LRCH2: variants seen among roughly 807,000 people sequenced by gnomAD.
LRCH2 encodes the protein leucine-rich repeat and calponin homology domain-containing protein 2.
LRCH2 carries 38 observed loss-of-function variants against 68.9 expected under a neutral mutation model. The observed-to-expected ratio is 0.55, with a 90% CI of 0.43 to 0.72. The LOEUF is 0.72. Among genes scored for constraint, LRCH2 ranks in the 30% least tolerant of loss-of-function variants. The pLI is 0.00. For synonymous variants in LRCH2, 191 were observed against 208.1 expected (o/e 0.92, Z 0.71); for missense variants, 528 against 572.9 (o/e 0.92, Z 0.80).
chrX:115,195,858 CTG>C (rs1215729279), intron 1 of LRCH2, among the ~76,000 whole-genome samples: 4 of 111,784 alleles, frequency 3.6e-5, no homozygotes, highest in African/African-American at 9.8e-5. Flanking sequence ...ATCCAAGAGA[CTG>C]TGAGAAGGAA....
At chrX:115,137,912 G>C (rs138775038) in intron 14 of LRCH2, among the ~76,000 whole-genome samples, 1,173 of 110,479 alleles carry the variant, frequency 0.011, 19 homozygotes, top group African/African-American at 0.037. Flanking sequence ...TCACGCCATT[G>C]CACCCCAGCC....
chrX:115,176,796 G>A (rs2147401542), intron 5 of LRCH2, among the ~76,000 whole-genome samples: 1 of 103,655 alleles, frequency 9.6e-6, no homozygotes, highest in South Asian at 4.6e-4. Context: ...GCCCAAGCTG[G>A]AGTGCAGTGG....
chrX:115,217,826 C>T (rs1247507535), intron 1 of LRCH2, among the ~76,000 whole-genome samples: 3 of 111,885 alleles, frequency 2.7e-5, no homozygotes, highest in Non-Finnish European at 5.6e-5. Context: ...AATGGTTGAA[C>T]TAATTTACAC....
intron 1 of LRCH2, among the ~76,000 whole-genome samples, chrX:115,193,638 A>G (rs1188065724): frequency 1.8e-5 from 2 of 111,984 alleles, no homozygotes; most frequent in African/African-American, 6.5e-5. Context: ...TTAGGACATT[A>G]TAGCAGTGGG....
At chrX:115,189,759 G>A in intron 1 of LRCH2, 1 of 1,167,286 alleles carries the variant, frequency 8.6e-7, no homozygotes, top group Non-Finnish European at 1.1e-6. Flanking sequence ...GTCGCTCAAG[G>A]TTCTCACACA....
intron 1 of LRCH2, chrX:115,189,547 A>G (rs781962785): frequency 8.5e-7 from 1 of 1,178,323 alleles, no homozygotes; most frequent in Non-Finnish European, 1.1e-6. Flanking sequence ...CCACATCATC[A>G]AGGTGTTCCT....
chrX:115,197,613 G>A (rs374058489), intron 1 of LRCH2, among the ~76,000 whole-genome samples: 2 of 109,552 alleles, frequency 1.8e-5, no homozygotes, highest in African/African-American at 3.3e-5. Flanking sequence ...TTAGCTAGGC[G>A]TGGTGGCACA....
chrX:115,220,579 C>G (rs1261340391), intron 1 of LRCH2, among the ~76,000 whole-genome samples: 2 of 111,039 alleles, frequency 1.8e-5, no homozygotes, highest in Non-Finnish European at 3.8e-5. Flanking sequence ...CAAAGTAAGA[C>G]CAAGACATGC....
chrX:115,123,115 G>A lies in LRCH2; in HGVS notation c.1927C>T (p.Arg643Trp). 8 of 1,209,403 alleles carry A rather than the reference G, an allele frequency of 6.6e-6. No individual in the cohort carries two copies. Among genetic ancestry groups the A allele is most frequent in the Admixed American group, 2.2e-5 (1 of 45,789 alleles). Residue 643 changes from arginine to tryptophan, a missense_variant, in exon 18 of 21, where the codon CGG (arginine) becomes TGG (tryptophan). Transcript: ENST00000317135. ...TGTCGTATTTGCTCTCGCTCTTCCC[G>A]TAAATGTTCCATCTTTCTTCTCATT... is the stretch of plus-strand genomic sequence containing the variant. The part of the protein sequence containing the change: ...FTMRRKMEHL[R>W]EEREQIRQLR...
chrX:115,189,024 GC>G (rs1362961681), intron 1 of LRCH2, among the ~76,000 whole-genome samples: 12 of 111,161 alleles, frequency 1.1e-4, no homozygotes, highest in Non-Finnish European at 2.1e-4. Flanking sequence ...TTCTTTTACA[GC>G]CAAACTCACA....
At chrX:115,161,211 G>A (rs367826627) in intron 11 of LRCH2, among the ~76,000 whole-genome samples, 5 of 110,819 alleles carry the variant, frequency 4.5e-5, no homozygotes, top group South Asian at 3.8e-4. Context: ...AAAAATAGCC[G>A]GGTGTGGTGG....
At chrX:115,201,143 G>A (rs781971077) in intron 1 of LRCH2, among the ~76,000 whole-genome samples, 30 of 110,597 alleles carry the variant, frequency 2.7e-4, no homozygotes, top group Admixed American at 1.4e-3. Context: ...GGAAATTCCC[G>A]TTTTTGAAAC....
At chrX:115,204,583 T>C (rs782169894) in intron 1 of LRCH2, among the ~76,000 whole-genome samples, 2 of 112,113 alleles carry the variant, frequency 1.8e-5, no homozygotes, top group South Asian at 7.5e-4. Flanking sequence ...TACTTAGAAA[T>C]TTCTTCTGCC....
At chrX:115,125,619 G>A (rs782644715) in intron 16 of LRCH2, among the ~76,000 whole-genome samples, 9 of 48,108 alleles carry the variant, frequency 1.9e-4, no homozygotes, top group Non-Finnish European at 3.1e-4. Context: ...ATATATATAT[G>A]TATATATATA....
At chrX:115,142,421 A>G (rs900915560) in intron 14 of LRCH2, among the ~76,000 whole-genome samples, 1 of 112,256 alleles carries the variant, frequency 8.9e-6, no homozygotes, top group Admixed American at 9.4e-5. Context: ...AGGTCACAAA[A>G]TAAGTCTTAA....
chrX:115,223,711 T>C (rs2073099935), intron 1 of LRCH2, among the ~76,000 whole-genome samples: 1 of 104,589 alleles, frequency 9.6e-6, no homozygotes, highest in African/African-American at 3.5e-5. Context: ...AGATCAGGAG[T>C]TCAAGACCAG....
At chrX:115,188,782 G>A (rs1034704224) in intron 1 of LRCH2, among the ~76,000 whole-genome samples, 3 of 111,588 alleles carry the variant, frequency 2.7e-5, no homozygotes, top group African/African-American at 9.8e-5. Context: ...AGGGAGCTGA[G>A]ATCACGCCAC....
At chrX:115,161,780 G>C (rs2072520645) in intron 11 of LRCH2, among the ~76,000 whole-genome samples, 1 of 110,874 alleles carries the variant, frequency 9.0e-6, no homozygotes, top group Non-Finnish European at 1.9e-5. Context: ...AGGCTAGAAA[G>C]AATAATTTAA....
chrX:115,206,436 C>A (rs2072967476), intron 1 of LRCH2, among the ~76,000 whole-genome samples: 3 of 111,930 alleles, frequency 2.7e-5, no homozygotes, highest in African/African-American at 9.8e-5. Flanking sequence ...GGGCAAGGAA[C>A]ACCTGGCCCA....
Sources: gnomAD v4.1 joint callset for allele counts (sites outside exome capture counted in the v4.1 genomes callset) on GRCh38, gnomAD v4.1.1 for gene constraint, MANE v1.5 for transcripts, NCBI Gene and HGNC (gene_info 2026-07-23, HGNC 2026-07-21) for gene names.